PIGK: variants seen among roughly 807,000 people sequenced by gnomAD.
PIGK encodes the protein phosphatidylinositol glycan anchor biosynthesis class K, also known as GPI-anchor transamidase.
Under a neutral mutation model 50.6 loss-of-function variants are expected in PIGK, and 42 were observed. The observed-to-expected ratio is 0.83, with a 90% CI of 0.65 to 1.07. PIGK has a LOEUF of 1.07. Ranked by LOEUF, PIGK falls within the 50% of genes least tolerant of loss-of-function variation. The pLI is 0.00. For missense variants in PIGK, 448 were observed against 488.7 expected (o/e 0.92, Z 0.78); for synonymous variants, 151 against 156.0 (o/e 0.97, Z 0.24).
At chr1:77,102,504 T>C (rs1653573077) in intron 10 of PIGK, among the ~76,000 whole-genome samples, 2 of 152,088 alleles carry the variant, frequency 1.3e-5, no homozygotes, top group Admixed American at 1.3e-4. Context: ...CCGGCTGACT[T>C]TGAAGGTGGA....
At chr1:77,147,064 T>A (rs1480981514) in intron 9 of PIGK, among the ~76,000 whole-genome samples, 2 of 151,036 alleles carry the variant, frequency 1.3e-5, no homozygotes, top group African/African-American at 4.9e-5. Flanking sequence ...AAAAATAGGT[T>A]TAATGGACTC....
chr1:77,153,559 A>G (rs1477243145), intron 9 of PIGK: 1 of 152,146 alleles, frequency 6.6e-6, no homozygotes, highest in African/African-American at 2.4e-5. Context: ...CCCTGATTTA[A>G]TCATTAAACA....
intron 2 of PIGK, among the ~76,000 whole-genome samples, chr1:77,209,042 C>T (rs540058905): frequency 1.3e-5 from 2 of 152,162 alleles, no homozygotes; most frequent in African/African-American, 2.4e-5. Flanking sequence ...AGTTTTCTTC[C>T]TTTTCCAACA....
chr1:77,093,504 TC>T (rs1235197421), intron 10 of PIGK, among the ~76,000 whole-genome samples: 1 of 152,166 alleles, frequency 6.6e-6, no homozygotes, highest in Non-Finnish European at 1.5e-5. Flanking sequence ...GCTTTAGTCA[TC>T]ATGTATAATG....
At chr1:77,155,863 A>G (rs549565572) in intron 8 of PIGK, among the ~76,000 whole-genome samples, 5 of 152,284 alleles carry the variant, frequency 3.3e-5, no homozygotes, top group Non-Finnish European at 7.4e-5. Context: ...CAATTTATAA[A>G]ACACAGTGTT....
chr1:77,137,677 C>G (rs576392635), intron 9 of PIGK, among the ~76,000 whole-genome samples: 2 of 152,230 alleles, frequency 1.3e-5, no homozygotes, highest in African/African-American at 2.4e-5. Flanking sequence ...TGGTTTGGCT[C>G]ACTGCAACCT....
At position 77,169,337 on chromosome 1, in the gene PIGK, C is replaced by A. The variant is rs1171371969; in HGVS notation, c.298G>T (p.Ala100Ser). The stretch of plus-strand genomic sequence containing the variant: ...ATATTCTTGTGACTAAACACTGTAG[C>A]TGGTTTGGGATTTCTAGGATTACAG... ...MACNPRNPKP[A>S]TVFSHKNMEL... is the part of the protein sequence containing the mutation. Residue 100 changes from alanine (A) to serine (S), a missense_variant, in exon 4 of 11, where the codon GCT becomes TCT. Transcript: ENST00000370812. 1 of 1,606,412 alleles carries A rather than the reference C, an allele frequency of 6.2e-7. No individual in the cohort carries two copies.
At chr1:77,193,819 C>T (rs763492206) in intron 3 of PIGK, among the ~76,000 whole-genome samples, 21 of 151,878 alleles carry the variant, frequency 1.4e-4, no homozygotes, top group Non-Finnish European at 2.8e-4. Context: ...GCAATTGCAA[C>T]GAAAACAAAA....
At position 77,204,243 on chromosome 1, in the gene PIGK, G is replaced by A. The variant is rs181771186; in HGVS notation, c.239+2397C>T. On this transcript the variant is annotated intron_variant, in intron 3 of 10. Transcript: ENST00000370812. Reference sequence around the variant, plus strand: ...CACTCTGGGAATGTCTGTCTTATACGGTTGCAGATAAGGGATGAAATAAGC... The same window carrying A: ...CACTCTGGGAATGTCTGTCTTATACAGTTGCAGATAAGGGATGAAATAAGC... 6.1e-3 allele frequency among the ~76,000 whole-genome samples: 930 copies of A among 152,236 alleles called. 5 individuals carry two copies. Among genetic ancestry groups the A allele is most frequent in the Non-Finnish European group, 9.4e-3 (640 of 68,016 alleles).
chr1:77,154,390 A>G, intron 9 of PIGK, 59 bp downstream of exon 9: 1 of 1,356,428 alleles, frequency 7.4e-7, no homozygotes, highest in African/African-American at 1.5e-5. Flanking sequence ...CAATGTTTCA[A>G]AAAAATGTAC....
rs1250771478 is a variant in PIGK at position 77,210,496 on chromosome 1, A to T, written c.94-7T>A. On this transcript the variant is annotated splice_polypyrimidine_tract_variant and splice_region_variant and intron_variant, in intron 1 of 10. Transcript: ENST00000370812. The stretch of plus-strand genomic sequence containing the variant: ...AGAATTGTTCTGCTTGATCCTAAAT[A>T]AAGCAAAACAAATAGAAGAAAAAGG... The T allele has an allele frequency of 6.4e-7, 1 of 1,570,942 alleles. No homozygotes were observed. The highest frequency in any genetic ancestry group is 1.4e-5 in the African/African-American group (1 of 73,812).
chr1:77,098,626 A>G (rs1653474589), intron 10 of PIGK, among the ~76,000 whole-genome samples: 1 of 152,130 alleles, frequency 6.6e-6, no homozygotes, highest in Non-Finnish European at 1.5e-5. Flanking sequence ...AGGGTGAACT[A>G]CCACGCCTGG....
intron 9 of PIGK, chr1:77,129,344 C>T (rs1289346829): frequency 7.6e-6 from 12 of 1,583,686 alleles, no homozygotes; most frequent in African/African-American, 1.3e-5. Context: ...AGCAGTGGGG[C>T]TGGACACAAG....
intron 10 of PIGK, among the ~76,000 whole-genome samples, chr1:77,111,273 T>A (rs1653833921): frequency 2.0e-5 from 3 of 152,058 alleles, no homozygotes; most frequent in Admixed American, 2.0e-4. Context: ...ACCCAAAGGA[T>A]TATAAATCAT....
chr1:77,121,683 C>A (rs912300986), intron 10 of PIGK, among the ~76,000 whole-genome samples: 1 of 152,164 alleles, frequency 6.6e-6, no homozygotes, highest in South Asian at 2.1e-4. Flanking sequence ...GATTCTGGCA[C>A]AGCAGGGCAG....
chr1:77,202,776 A>G (rs574165492), intron 3 of PIGK, among the ~76,000 whole-genome samples: 1 of 152,226 alleles, frequency 6.6e-6, no homozygotes, highest in Non-Finnish European at 1.5e-5. Flanking sequence ...GGATCACTAC[A>G]TAAACTCACA....
At chr1:77,174,071 C>T (rs965599655) in intron 3 of PIGK, among the ~76,000 whole-genome samples, 5 of 152,314 alleles carry the variant, frequency 3.3e-5, no homozygotes, top group African/African-American at 9.6e-5. Flanking sequence ...AAGGCCTTGC[C>T]TTTTTACAAT....
In PIGK at chr1:77,154,444, A is replaced by G. The variant is rs201892195; in HGVS notation, c.986+5T>C. 6.3e-7 allele frequency: 1 copy of G among 1,598,618 alleles called. No homozygotes were observed. Among genetic ancestry groups the G allele is most frequent in the Non-Finnish European group, 8.6e-7 (1 of 1,167,920 alleles). On this transcript the variant is annotated splice_donor_5th_base_variant and intron_variant, in intron 9 of 10. Coordinates refer to ENST00000370812, the MANE Select transcript of PIGK (RefSeq NM_005482.3). ...TCTATTCAAATAATGGTTTAAGATG[A>G]ATACCTGCTTTCCATGATTTCTGAA...
At chr1:77,163,695 G>A in intron 6 of PIGK, 151 bp downstream of exon 6, 1 of 571,872 alleles carries the variant, frequency 1.7e-6, no homozygotes, top group Non-Finnish European at 3.0e-6. Flanking sequence ...AAACAACCCA[G>A]TTCAGAGGAA....
Sources: allele counts gnomAD v4.1 joint callset (sites outside exome capture counted in the v4.1 genomes callset), GRCh38; gene constraint gnomAD v4.1.1; transcripts MANE v1.5; gene names NCBI Gene and HGNC (gene_info 2026-07-23, HGNC 2026-07-21).